KLF12: variants seen among roughly 807,000 people sequenced by gnomAD.
KLF12 encodes the protein KLF transcription factor 12.
In KLF12, 9 loss-of-function variants were observed where a neutral mutation model predicts 37.8. The observed-to-expected ratio is 0.24, with a 90% CI of 0.14 to 0.42. The LOEUF is 0.42. Among genes scored for constraint, KLF12 ranks in the 10% least tolerant of loss-of-function variants. The probability of loss-of-function intolerance (pLI) is 1.00; values close to 1 mark genes in which losing one functional copy is unlikely to be tolerated. For synonymous variants in KLF12, 208 were observed against 202.1 expected, an observed-to-expected ratio of 1.03 and a Z score of -0.25; for missense variants, 411 against 516.0, an observed-to-expected ratio of 0.80 and a Z score of 1.97.
At chr13:74,249,997 C>T in the KLF12 span, among the ~76,000 whole-genome samples, 1 of 152,256 alleles carries the variant, frequency 6.6e-6, no homozygotes, top group East Asian at 1.9e-4. Context: ...GCTGGAGATG[C>T]TCAATTTTAG....
chr13:74,266,005 A>C, the KLF12 span, among the ~76,000 whole-genome samples: 1 of 152,236 alleles, frequency 6.6e-6, no homozygotes, highest in South Asian at 2.1e-4. Flanking sequence ...TTGGAGAATG[A>C]GTGTGGATTA....
chr13:74,204,654 TA>T, the KLF12 span, among the ~76,000 whole-genome samples: 1 of 152,134 alleles, frequency 6.6e-6, no homozygotes, highest in Non-Finnish European at 1.5e-5. Context: ...CCTTCTTCTC[TA>T]AATTGTAAGC....
chr13:74,218,295 GGT>G, the KLF12 span, among the ~76,000 whole-genome samples: 1 of 152,152 alleles, frequency 6.6e-6, no homozygotes, highest in Non-Finnish European at 1.5e-5. Context: ...AATCAGAGAA[GGT>G]GGGGAACAAT....
At chr13:73,731,830 A>G (rs1425591217) in intron 6 of KLF12, among the ~76,000 whole-genome samples, 1 of 152,166 alleles carries the variant, frequency 6.6e-6, no homozygotes, top group African/African-American at 2.4e-5. Context: ...GAGTGAAGGG[A>G]CTGAAAGATG....
At chr13:74,131,861 T>C (rs1162020142) in intron 1 of KLF12, among the ~76,000 whole-genome samples, 2 of 152,094 alleles carry the variant, frequency 1.3e-5, no homozygotes, top group African/African-American at 4.8e-5. Flanking sequence ...TCCTAATTTT[T>C]ATATGCTCAA....
intron 6 of KLF12, among the ~76,000 whole-genome samples, chr13:73,764,631 A>C (rs553818113): frequency 6.3e-4 from 96 of 152,228 alleles, no homozygotes; most frequent in African/African-American, 2.2e-3. Flanking sequence ...ATCTGGGTCT[A>C]TGTACCTTCG....
rs143080362 is a variant in KLF12, at chr13:73,979,881, C to T, written c.33+15109G>A. Among the ~76,000 whole-genome samples the T allele has an allele frequency of 7.6e-3, 1,159 of 152,076 alleles. 19 individuals are homozygous for T. The highest frequency in any genetic ancestry group is 0.027 in the African/African-American group (1,114 of 41,462). On this transcript the variant is annotated intron_variant, in intron 2 of 7. Coordinates refer to ENST00000377669, the MANE Select transcript of KLF12 (RefSeq NM_007249.5). Reference sequence around the variant, plus strand: ...ATAAAATAAGGTCATATGGGTAGATCCTACTTCAATGGCTGGTGTTCTTAT... The same window carrying T: ...ATAAAATAAGGTCATATGGGTAGATTCTACTTCAATGGCTGGTGTTCTTAT...
chr13:74,213,359 A>C, the KLF12 span, among the ~76,000 whole-genome samples: 1 of 152,138 alleles, frequency 6.6e-6, no homozygotes, highest in African/African-American at 2.4e-5. Flanking sequence ...TTTTAATAGC[A>C]CAGTGGTTGC....
intron 7 of KLF12, among the ~76,000 whole-genome samples, chr13:73,709,924 G>A (rs1186129327): frequency 6.6e-6 from 1 of 152,144 alleles, no homozygotes; most frequent in Admixed American, 6.5e-5. Context: ...TGGCACAGAT[G>A]AAGAAGCTGA....
At chr13:74,038,079 A>G (rs1490236099) in intron 1 of KLF12, among the ~76,000 whole-genome samples, 1 of 152,222 alleles carries the variant, frequency 6.6e-6, no homozygotes, top group Non-Finnish European at 1.5e-5. Context: ...CAAAGGACAC[A>G]CAAATGAGTG....
intron 4 of KLF12, among the ~76,000 whole-genome samples, chr13:73,841,106 T>C (rs1170919435): frequency 1.3e-5 from 2 of 152,224 alleles, no homozygotes; most frequent in African/African-American, 4.8e-5. Context: ...CTGTCACTGC[T>C]ACTAGAATGT....
At chr13:74,158,446 G>A in the KLF12 span, among the ~76,000 whole-genome samples, 4 of 152,142 alleles carry the variant, frequency 2.6e-5, no homozygotes, top group Admixed American at 6.5e-5. Context: ...AGAAGGCCAC[G>A]GGGATCCTTC....
intron 6 of KLF12, among the ~76,000 whole-genome samples, chr13:73,735,100 C>A (rs1877352381): frequency 7.6e-6 from 1 of 132,288 alleles, no homozygotes; most frequent in African/African-American, 2.9e-5. Flanking sequence ...CCAGCCTGGG[C>A]AACATAGCAA....
chr13:74,186,350 G>C, the KLF12 span, among the ~76,000 whole-genome samples: 2 of 152,030 alleles, frequency 1.3e-5, no homozygotes, highest in South Asian at 4.2e-4. Flanking sequence ...GCCCTTCCTG[G>C]GTGTTTATAT....
At chr13:74,184,749 C>A in the KLF12 span, among the ~76,000 whole-genome samples, 35,645 of 152,070 alleles carry the variant, frequency 0.23, 7,141 homozygotes, top group African/African-American at 0.55. Flanking sequence ...GACACACAAC[C>A]CTCAGTAATA....
intron 4 of KLF12, among the ~76,000 whole-genome samples, chr13:73,833,134 G>A (rs1443490392): frequency 6.6e-6 from 1 of 152,170 alleles, no homozygotes; most frequent in Non-Finnish European, 1.5e-5. Flanking sequence ...TATTATATAA[G>A]AAACTTAGCA....
the KLF12 span, among the ~76,000 whole-genome samples, chr13:74,266,515 T>G: frequency 6.6e-6 from 1 of 152,180 alleles, no homozygotes; most frequent in Non-Finnish European, 1.5e-5. Context: ...CAAGCCAATC[T>G]TAAATGCACA....
At position 73,846,225 on chromosome 13, in the gene KLF12, G is replaced by T. The variant is rs569483080; in HGVS notation, c.272C>A (p.Thr91Lys). The change falls in exon 4 of 8, where the codon ACG becomes AAG. Residue 91 changes from threonine (T) to lysine (K), a missense_variant. By Grantham distance (78) the Thr-to-Lys change is moderately conservative. Transcript: ENST00000377669. Reference sequence around the variant, plus strand: ...GGAGGATGAAACGGCAGTAGGGGACGTCCTGGCTTTGTTTATTGACAAGTC... The same window carrying T: ...GGAGGATGAAACGGCAGTAGGGGACTTCCTGGCTTTGTTTATTGACAAGTC... The T allele has an allele frequency of 6.2e-7, 1 of 1,614,116 alleles. No individual in the cohort carries two copies.
intron 3 of KLF12, among the ~76,000 whole-genome samples, chr13:73,895,326 C>G (rs943460476): frequency 6.6e-6 from 1 of 152,158 alleles, no homozygotes; most frequent in African/African-American, 2.4e-5. Flanking sequence ...CATGGTGAAA[C>G]CACAGTTAAG....
Sources: allele counts gnomAD v4.1 joint callset (sites outside exome capture counted in the v4.1 genomes callset), GRCh38; gene constraint gnomAD v4.1.1; transcripts MANE v1.5; gene names NCBI Gene and HGNC (gene_info 2026-07-23, HGNC 2026-07-21).